Variants in GAD2 observed in about 807,000 individuals in gnomAD.
GAD2 encodes the protein 65 kDa glutamic acid decarboxylase.
Under a neutral mutation model 80.1 loss-of-function variants are expected in GAD2, and 22 were observed. The ratio of observed to expected loss-of-function variants is 0.27; its 90% CI spans 0.20 to 0.39. The LOEUF is 0.39. Among genes scored for constraint, GAD2 ranks in the 10% least tolerant of loss-of-function variants. The pLI is 1.00. For missense variants in GAD2, 624 were observed against 738.4 expected, an observed-to-expected ratio of 0.85 and a Z score of 1.80; for synonymous variants, 274 against 256.9, an observed-to-expected ratio of 1.07 and a Z score of -0.64.
At position 26,229,692 on chromosome 10, in the gene GAD2, T is replaced by A; in HGVS notation, c.755T>A (p.Met252Lys). ...GCCATATCTAACATGTATGCCATGA[T>A]GATCGCACGCTTTAAGATGTTCCCA... The part of the protein sequence containing the change: ...GGAISNMYAM[M>K]IARFKMFPEV... The change falls in exon 7 of 16, where the codon ATG becomes AAG. Residue 252 changes from methionine (M) to lysine (K), a missense_variant. By Grantham distance (95) the Met-to-Lys change is moderately conservative. Coordinates refer to ENST00000376261, the MANE Select transcript of GAD2 (RefSeq NM_001134366.2). 1.9e-6 allele frequency: 3 copies of A among 1,614,180 alleles called. No homozygotes were observed. The highest frequency in any genetic ancestry group is 2.5e-6 in the Non-Finnish European group (3 of 1,180,012).
chr10:26,219,289 C>T lies in GAD2; in HGVS notation c.520+13C>T, dbSNP rs1331510974. On this transcript the variant is annotated intron_variant, in intron 4 of 15. Transcript: ENST00000376261. The stretch of plus-strand genomic sequence containing the variant: ...GCAATTAAAACAGGTATTGTCTCAT[C>T]GAAAATAATAAAGCTCTTTTTTCGT... 2.1e-6 allele frequency: 3 copies of T among 1,433,326 alleles called. No individual in the cohort carries two copies. The allele number at this position is 1,433,326 out of a possible 1,614,324, so 88.8% of individuals were successfully genotyped here.
chr10:26,269,064 TA>T, intron 8 of GAD2, 54 bp from the exon 9 acceptor site: 1 of 1,417,016 alleles, frequency 7.1e-7, no homozygotes, highest in Non-Finnish European at 9.8e-7. Context: ...ACTTACGTTG[TA>T]AAGACGATGA....
At chr10:26,265,056 A>T (rs189803676) in intron 8 of GAD2, among the ~76,000 whole-genome samples, 7 of 152,232 alleles carry the variant, frequency 4.6e-5, no homozygotes, top group Non-Finnish European at 1.0e-4. Flanking sequence ...TAGGCATGAA[A>T]CTGGGACCAT....
intron 8 of GAD2, among the ~76,000 whole-genome samples, chr10:26,251,732 C>T (rs1012937139): frequency 4.6e-5 from 7 of 152,188 alleles, no homozygotes; most frequent in East Asian, 1.9e-4. Flanking sequence ...AAGATTTCAT[C>T]AATTTGTTCT....
At chr10:26,259,018 A>AT (rs1340670194) in intron 8 of GAD2, among the ~76,000 whole-genome samples, 1 of 152,110 alleles carries the variant, frequency 6.6e-6, no homozygotes, top group Non-Finnish European at 1.5e-5. Context: ...GGGTTTCACC[A>AT]TATTGGTCAG....
chr10:26,277,067 A>G (rs1845217600), intron 11 of GAD2, among the ~76,000 whole-genome samples: 1 of 152,234 alleles, frequency 6.6e-6, no homozygotes, highest in Non-Finnish European at 1.5e-5. Context: ...TGGAGAGCAC[A>G]GAGAAAGGAA....
chr10:26,278,183 C>T (rs1845233250), intron 11 of GAD2, among the ~76,000 whole-genome samples: 1 of 152,202 alleles, frequency 6.6e-6, no homozygotes, highest in Non-Finnish European at 1.5e-5. Flanking sequence ...ATAAACACCA[C>T]AGCCAGACAT....
intron 13 of GAD2, among the ~76,000 whole-genome samples, chr10:26,290,451 G>A (rs1834201639): frequency 6.6e-6 from 1 of 152,214 alleles, no homozygotes; most frequent in Admixed American, 6.5e-5. Context: ...CAGCAGTGCT[G>A]TGAGAAGGCC....
chr10:26,273,792 C>A (rs1441994401), intron 11 of GAD2, 92 bp downstream of exon 11: 2 of 1,017,602 alleles, frequency 2.0e-6, no homozygotes, highest in African/African-American at 3.2e-5. Flanking sequence ...TTTTGGAATA[C>A]TGAGTGAACT....
Position 26,219,208 on chromosome 10 carries a change from A to G in GAD2, c.452A>G (p.Asp151Gly). The G allele has an allele frequency of 6.2e-7, 1 of 1,613,772 alleles. No individual in the cohort carries two copies. ...LLQEYNWELA[D>G]QPQNLEEILM... is the part of the protein sequence containing the mutation. ...CAAGAATATAATTGGGAATTGGCAG[A>G]CCAACCACAAAATTTGGAGGAAATT... is the stretch of plus-strand genomic sequence containing the variant. The change falls in exon 4 of 16, where the codon GAC (aspartate) becomes GGC (glycine). Residue 151 changes from aspartate to glycine, a missense_variant. Physicochemically the swap from Asp to Gly is moderately conservative, Grantham distance 94. Transcript: ENST00000376261.
chr10:26,296,079 G>A (rs1050846732), intron 15 of GAD2, among the ~76,000 whole-genome samples: 4 of 152,156 alleles, frequency 2.6e-5, no homozygotes, highest in African/African-American at 9.7e-5. Flanking sequence ...CAAGGTGCCA[G>A]TAGATTCCGT....
chr10:26,286,168 CA>C (rs1290216706), intron 12 of GAD2, among the ~76,000 whole-genome samples, 176 bp from the exon 13 acceptor site: 1 of 152,192 alleles, frequency 6.6e-6, no homozygotes, highest in Middle Eastern at 3.2e-3. Flanking sequence ...ACCATTACAA[CA>C]ACCTAGACAC....
intron 7 of GAD2, among the ~76,000 whole-genome samples, chr10:26,240,795 G>A (rs1589141257): frequency 6.6e-6 from 1 of 151,546 alleles, no homozygotes; most frequent in South Asian, 2.1e-4. Flanking sequence ...ACTTTGGGAG[G>A]CCGAGGCGGG....
chr10:26,243,044 C>G (rs995691281), intron 7 of GAD2, among the ~76,000 whole-genome samples: 1 of 145,974 alleles, frequency 6.9e-6, no homozygotes, highest in Non-Finnish European at 1.5e-5. Context: ...CACAAAAAAC[C>G]CCCCCCCTTT....
chr10:26,236,599 C>A (rs1227466868), intron 7 of GAD2, among the ~76,000 whole-genome samples: 1 of 152,140 alleles, frequency 6.6e-6, no homozygotes, highest in Non-Finnish European at 1.5e-5. Context: ...CCGCACCTGG[C>A]CATAAAGATG....
intron 12 of GAD2, among the ~76,000 whole-genome samples, chr10:26,285,428 C>G (rs1845319759): frequency 1.3e-5 from 2 of 152,162 alleles, no homozygotes; most frequent in Admixed American, 1.3e-4. Flanking sequence ...TGTAAAATCA[C>G]AATTAGACAG....
chr10:26,288,766 T>C (rs906587961), intron 13 of GAD2, among the ~76,000 whole-genome samples: 1 of 152,214 alleles, frequency 6.6e-6, no homozygotes, highest in African/African-American at 2.4e-5. Flanking sequence ...GTGATATTTA[T>C]AGGAAAACGT....
chr10:26,232,132 G>C (rs928790139), intron 7 of GAD2, among the ~76,000 whole-genome samples: 1 of 152,162 alleles, frequency 6.6e-6, no homozygotes, highest in African/African-American at 2.4e-5. Flanking sequence ...ATAGAAAAAC[G>C]TGATCTATTT....
At chr10:26,253,075 G>C (rs748932925) in intron 8 of GAD2, among the ~76,000 whole-genome samples, 2 of 152,080 alleles carry the variant, frequency 1.3e-5, no homozygotes, top group African/African-American at 4.8e-5. Context: ...GTTTGGACTA[G>C]GTTCTTTTAG....
Sources: allele counts gnomAD v4.1 joint callset (sites outside exome capture counted in the v4.1 genomes callset), GRCh38; gene constraint gnomAD v4.1.1; transcripts MANE v1.5; gene names NCBI Gene and HGNC (gene_info 2026-07-23, HGNC 2026-07-21).